Variants in HTT observed in about 807,000 individuals in gnomAD.
HTT encodes the protein huntingtin, also known as huntington disease protein.
A neutral mutation model predicts 362.3 loss-of-function variants in HTT; 104 were observed. The ratio of observed to expected loss-of-function variants is 0.29; its 90% CI spans 0.24 to 0.34. HTT has a LOEUF of 0.34. Among genes scored for constraint, HTT ranks in the 10% least tolerant of loss-of-function variants. The pLI, the probability that HTT is intolerant of heterozygous loss-of-function variation, is 1.00. For synonymous variants in HTT, 1,577 were observed against 1,548.7 expected (o/e 1.02, Z -0.43); for missense variants, 3,301 against 3,928.6 (o/e 0.84, Z 4.27).
At chr4:3,212,829 A>G (rs551251380) in intron 49 of HTT, 120 bp downstream of exon 49, 8 of 1,051,250 alleles carry the variant, frequency 7.6e-6, no homozygotes, top group Admixed American at 2.1e-5. Context: ...TCACTTTTCC[A>G]TCTCAGCCTG....
rs1363683929 is a variant in HTT at position 3,132,902 on chromosome 4, A to C, written c.2484A>C (p.Thr828=). 6.2e-7 allele frequency: 1 copy of C among 1,609,248 alleles called. No individual in the cohort carries two copies. The highest frequency in any genetic ancestry group is 2.2e-5 in the East Asian group (1 of 44,860). ...CTGTTACTTGCAAGTTAGCTTGTAC[A>C]GCTGTGAGGGTGAGCATAATCTTCT... is the stretch of plus-strand genomic sequence containing the variant. ...ESSVTCKLAC[T]AVRNCVMSLC... The change falls in exon 18 of 67, where the codon ACA becomes ACC. Residue 828 remains threonine, a synonymous_variant. Coordinates refer to ENST00000355072, the MANE Select transcript of HTT (RefSeq NM_001388492.1).
chr4:3,234,742 A>G (rs1560606944), intron 61 of HTT, among the ~76,000 whole-genome samples: 1 of 152,136 alleles, frequency 6.6e-6, no homozygotes, highest in African/African-American at 2.4e-5. Flanking sequence ...GGTGACAGAT[A>G]TACGCATCAC....
rs1720722925 is a variant in HTT at position 3,222,474 on chromosome 4, A to T, written c.7457A>T (p.Glu2486Val). The T allele has an allele frequency of 1.2e-6, 2 of 1,613,876 alleles. No homozygotes were observed. The highest frequency in any genetic ancestry group is 4.5e-5 in the East Asian group (2 of 44,884). Residue 2486 changes from glutamate to valine, a missense_variant, in exon 54 of 67, where the codon GAG (glutamate) becomes GTG (valine). By Grantham distance (121) the Glu-to-Val change is moderately radical. This residue lies in a region of HTT where 753 missense variants were observed against 1,021.3 expected (regional missense o/e 0.74). Transcript: ENST00000355072. ...CAGCCCCTCGTGATGGAGCAGGAGGAGAGCCCACCAGAAGTAAGGCCACAC... is the reference window on the plus strand; with the variant it reads ...CAGCCCCTCGTGATGGAGCAGGAGGTGAGCCCACCAGAAGTAAGGCCACAC... Reference protein sequence around the residue: ...VTQPLVMEQEESPPEEDTERT... With the variant: ...VTQPLVMEQEVSPPEEDTERT...
chr4:3,110,610 A>AT (rs893367329), intron 6 of HTT, among the ~76,000 whole-genome samples: 20 of 152,034 alleles, frequency 1.3e-4, no homozygotes, highest in African/African-American at 4.8e-4. Flanking sequence ...TAAAAATGCC[A>AT]TTTTTTTTCC....
intron 49 of HTT, 34 bp downstream of exon 49, chr4:3,212,743 G>A (rs1398871238): frequency 1.9e-6 from 3 of 1,612,680 alleles, no homozygotes; most frequent in Non-Finnish European, 2.5e-6. Flanking sequence ...GTGTTGCTGT[G>A]GGGAGGGGGC....
rs201380622 is a variant in HTT at position 3,188,957 on chromosome 4, A to G, written c.5232A>G (p.Leu1744=). Residue 1744 remains leucine, a synonymous_variant, in exon 40 of 67, where the codon CTA becomes CTG. Transcript: ENST00000355072. The stretch of plus-strand genomic sequence containing the variant: ...CTTTTTTGTTTCTTGGAAGGTTTCT[A>G]TTACAACTGGTTGGTATTCTTTTAG... ...NLPEETFSRF[L]LQLVGILLED... The G allele has an allele frequency of 1.6e-4, 265 of 1,614,050 alleles. 2 individuals are homozygous for G. The African/African-American group carries it at 3.0e-3, about 18-fold the overall frequency.
intron 1 of HTT, among the ~76,000 whole-genome samples, chr4:3,085,144 A>ATT (rs949733991): frequency 6.9e-6 from 1 of 145,800 alleles, no homozygotes. Flanking sequence ...GATTGTTTTA[A>ATT]TTTTTTTTTT....
At chr4:3,207,445 A>G (rs1719921672) in intron 45 of HTT, 88 bp downstream of exon 45, 1 of 1,138,792 alleles carries the variant, frequency 8.8e-7, no homozygotes, top group Non-Finnish European at 1.3e-6. Flanking sequence ...TTCACAGGAC[A>G]AGAAATCGAT....
intron 1 of HTT, among the ~76,000 whole-genome samples, chr4:3,079,247 C>CTT (rs4038027): frequency 0.037 from 4,254 of 113,724 alleles, 138 homozygotes; most frequent in African/African-American, 0.07. Context: ...GAGAAGACAG[C>CTT]TTTTTTTTTT....
Position 3,178,357 on chromosome 4 carries a change from G to A in HTT, c.4523G>A (p.Arg1508His), listed in dbSNP as rs1260513965. 6 of 1,610,874 alleles carry A rather than the reference G, an allele frequency of 3.7e-6. No individual in the cohort carries two copies. Among genetic ancestry groups the A allele is most frequent in the Admixed American group, 1.7e-5 (1 of 59,984 alleles). Reference sequence around the variant, plus strand: ...TTCTTGGTATTACTATCTTATGAACGCTATCATTCAAAACAGATCATTGGA... The same window carrying A: ...TTCTTGGTATTACTATCTTATGAACACTATCATTCAAAACAGATCATTGGA... ...FFFLVLLSYE[R>H]YHSKQIIGIP... is the part of the protein sequence containing the mutation. Residue 1508 changes from arginine to histidine, a missense_variant, in exon 35 of 67, where the codon CGC becomes CAC. Transcript: ENST00000355072.
intron 9 of HTT, among the ~76,000 whole-genome samples, chr4:3,122,380 C>T (rs1578515996): frequency 1.3e-5 from 2 of 152,178 alleles, no homozygotes; most frequent in South Asian, 2.1e-4. Context: ...GTGTGTGCAG[C>T]GTGGCCTTAC....
intron 2 of HTT, among the ~76,000 whole-genome samples, chr4:3,087,519 C>G (rs184715951): frequency 3.9e-5 from 6 of 152,352 alleles, no homozygotes; most frequent in Admixed American, 3.9e-4. Context: ...CTTGCTTGAT[C>G]TTTCTCACTG....
intron 44 of HTT, 115 bp from the exon 45 acceptor site, chr4:3,207,166 T>C (rs538681687): frequency 2.8e-6 from 3 of 1,071,344 alleles, no homozygotes; most frequent in African/African-American, 3.2e-5. Flanking sequence ...TATTTTTTTC[T>C]AGTCTGCCCT....
Position 3,117,344 on chromosome 4 carries a change from G to GT in HTT, c.1068+1091dup, listed in dbSNP as rs943234729. Among the ~76,000 whole-genome samples the GT allele has an allele frequency of 2.1e-3, 303 of 147,274 alleles. 2 individuals are homozygous for GT. The highest frequency in any genetic ancestry group is 7.1e-3 in the African/African-American group (284 of 40,168). On this transcript the variant is annotated intron_variant, in intron 8 of 66. Coordinates refer to ENST00000355072, the MANE Select transcript of HTT (RefSeq NM_001388492.1). ...GTTTATTTCATCTTTACCTTGCCTT[G>GT]TTTTTTTTTTAAGCTAGCTTTTTAT... is the stretch of plus-strand genomic sequence containing the variant.
Position 3,228,800 on chromosome 4 carries a change from T to G in HTT, c.7979+55T>G. On this transcript the variant is annotated intron_variant, in intron 58 of 66. Coordinates refer to ENST00000355072, the MANE Select transcript of HTT (RefSeq NM_001388492.1). This position sits in a 1 kb window ranked among gnomAD's most constrained non-coding sequence, Gnocchi z 4.3. ...GAAATTTGAAATTTCTTATCAGTCA[T>G]TTGATTTGTTTGAGGTGCTTCTTGA... 6.4e-7 allele frequency: 1 copy of G among 1,571,318 alleles called. No homozygotes were observed. Among genetic ancestry groups the G allele is most frequent in the Non-Finnish European group, 8.7e-7 (1 of 1,153,906 alleles).
Position 3,134,451 on chromosome 4 carries a change from G to T in HTT, c.2544G>T (p.Gln848His). The T allele has an allele frequency of 6.2e-7, 1 of 1,614,070 alleles. No individual in the cohort carries two copies. The highest frequency in any genetic ancestry group is 8.5e-7 in the Non-Finnish European group (1 of 1,179,926). Residue 848 changes from glutamine (Q) to histidine (H), a missense_variant, in exon 19 of 67, where the codon CAG (glutamine) becomes CAT (histidine). Gln to His is a conservative substitution (Grantham distance 24). This residue lies in a region of HTT where 2,316 missense variants were observed against 2,658.5 expected (regional missense o/e 0.87). Transcript: ENST00000355072. Reference sequence around the variant, plus strand: ...GCAGCTACAGTGAGTTAGGACTGCAGCTGATCATCGATGTGCTGACTCTGA... The same window carrying T: ...GCAGCTACAGTGAGTTAGGACTGCATCTGATCATCGATGTGCTGACTCTGA... ...CSSSYSELGL[Q>H]LIIDVLTLRN...
At chr4:3,192,173 C>T (rs904304666) in intron 40 of HTT, among the ~76,000 whole-genome samples, 1 of 152,126 alleles carries the variant, frequency 6.6e-6, no homozygotes, top group Non-Finnish European at 1.5e-5. Flanking sequence ...CTCCTGGGCT[C>T]TAGAGTTCTT....
At chr4:3,224,252 G>A (rs1720806516) in intron 56 of HTT, 121 bp downstream of exon 56, 1 of 1,013,286 alleles carries the variant, frequency 9.9e-7, no homozygotes, top group Non-Finnish European at 1.5e-6. Context: ...GGAGGCTGTG[G>A]TGCTAAATAC....
intron 5 of HTT, among the ~76,000 whole-genome samples, chr4:3,106,586 GAT>G: frequency 6.6e-6 from 1 of 152,318 alleles, no homozygotes; most frequent in South Asian, 2.1e-4. Flanking sequence ...GTGCCGTTTA[GAT>G]AGAGATTCCA....
Sources: allele counts gnomAD v4.1 joint callset (sites outside exome capture counted in the v4.1 genomes callset), GRCh38; gene constraint gnomAD v4.1.1; regional missense constraint gnomAD v4.1.1; non-coding constraint Gnocchi (gnomAD v3.1); transcripts MANE v1.5; gene names NCBI Gene and HGNC (gene_info 2026-07-23, HGNC 2026-07-21).